Variants in KCNH8 observed in about 807,000 individuals in gnomAD.
The protein encoded by KCNH8 is potassium voltage-gated channel subfamily H member 8, also known as voltage-gated delayed rectifier potassium channel KCNH8.
A neutral mutation model predicts 103.6 loss-of-function variants in KCNH8; 70 were observed. The ratio of observed to expected loss-of-function variants is 0.68; its 90% CI spans 0.56 to 0.82. The LOEUF (loss-of-function observed/expected upper bound fraction) is 0.82, where lower values mean the gene tolerates loss of function less well. Among genes scored for constraint, KCNH8 ranks in the 40% least tolerant of loss-of-function variants. The probability of loss-of-function intolerance (pLI) is 0.00; values close to 1 mark genes in which losing one functional copy is unlikely to be tolerated. For synonymous variants in KCNH8, 498 were observed against 489.4 expected (o/e 1.02, Z -0.23); for missense variants, 1,217 against 1,329.9 (o/e 0.92, Z 1.32).
intron 11 of KCNH8, among the ~76,000 whole-genome samples, chr3:19,505,162 G>A (rs930429051): frequency 6.6e-6 from 1 of 151,794 alleles, no homozygotes; most frequent in South Asian, 2.1e-4. Context: ...AATGAACATG[G>A]ATGGAGCTGG....
chr3:19,283,356 A>G (rs936309221), intron 3 of KCNH8, among the ~76,000 whole-genome samples: 1 of 152,200 alleles, frequency 6.6e-6, no homozygotes, highest in Non-Finnish European at 1.5e-5. Flanking sequence ...TGCTTAGGGA[A>G]CATGTACAAT....
intron 15 of KCNH8, among the ~76,000 whole-genome samples, chr3:19,531,325 G>A (rs2069157224): frequency 6.6e-6 from 1 of 152,200 alleles, no homozygotes; most frequent in South Asian, 2.1e-4. Flanking sequence ...CAAAGATCCT[G>A]GGGTAATGAT....
intron 1 of KCNH8, among the ~76,000 whole-genome samples, chr3:19,153,635 C>CTTTTTTCTT (rs2063151810): frequency 5.4e-5 from 7 of 128,916 alleles, no homozygotes; most frequent in African/African-American, 2.0e-4. Flanking sequence ...TTTCTTTTTT[C>CTTTTTTCTT]TTTTTTTTTT....
chr3:19,512,854 T>C (rs1038811534), intron 12 of KCNH8, 116 bp from the exon 13 acceptor site: 1 of 921,134 alleles, frequency 1.1e-6, no homozygotes, highest in Non-Finnish European at 1.7e-6. Context: ...TCAGTTTTAA[T>C]GAAAAGTAAG....
At chr3:19,314,491 GC>G (rs1208582034) in intron 3 of KCNH8, among the ~76,000 whole-genome samples, 1 of 151,916 alleles carries the variant, frequency 6.6e-6, no homozygotes, top group Non-Finnish European at 1.5e-5. Context: ...GATCACTTGA[GC>G]CCAGAACGTT....
chr3:19,414,784 G>A (rs192674358), intron 7 of KCNH8, among the ~76,000 whole-genome samples: 5 of 152,014 alleles, frequency 3.3e-5, no homozygotes, highest in Admixed American at 3.3e-4. Context: ...CCATGAGGCA[G>A]ATAATTTCAA....
At chr3:19,249,849 CA>C (rs1475583563) in intron 1 of KCNH8, among the ~76,000 whole-genome samples, 1 of 152,082 alleles carries the variant, frequency 6.6e-6, no homozygotes, top group Non-Finnish European at 1.5e-5. Context: ...ATGGTATACC[CA>C]GGGGTTTTCA....
intron 1 of KCNH8, among the ~76,000 whole-genome samples, chr3:19,165,345 A>G (rs2063272795): frequency 6.6e-6 from 1 of 152,210 alleles, no homozygotes; most frequent in Non-Finnish European, 1.5e-5. Context: ...CTGGAGTATT[A>G]TTGTTTGTGC....
At chr3:19,501,298 G>C (rs528585338) in intron 11 of KCNH8, among the ~76,000 whole-genome samples, 202 of 152,134 alleles carry the variant, frequency 1.3e-3, no homozygotes, top group African/African-American at 3.4e-3. Flanking sequence ...GCTTACCAAC[G>C]AAAAAGAGTC....
intron 3 of KCNH8, among the ~76,000 whole-genome samples, chr3:19,322,680 T>A (rs1372109491): frequency 1.3e-5 from 2 of 152,204 alleles, no homozygotes; most frequent in African/African-American, 4.8e-5. Flanking sequence ...CAGGCAATGA[T>A]CTTTTTACAA....
intron 5 of KCNH8, among the ~76,000 whole-genome samples, chr3:19,362,164 GAC>G (rs2065955416): frequency 6.6e-6 from 1 of 152,058 alleles, no homozygotes; most frequent in Admixed American, 6.6e-5. Context: ...ACTAATGTAA[GAC>G]AGACTAACAG....
intron 3 of KCNH8, among the ~76,000 whole-genome samples, chr3:19,287,748 G>A (rs1477344558): frequency 6.6e-6 from 1 of 152,142 alleles, no homozygotes; most frequent in African/African-American, 2.4e-5. Flanking sequence ...ACCACACCCA[G>A]CTAATTTTTG....
chr3:19,335,262 A>G (rs1288049268), intron 3 of KCNH8, among the ~76,000 whole-genome samples: 1 of 151,698 alleles, frequency 6.6e-6, no homozygotes, highest in Non-Finnish European at 1.5e-5. Context: ...TTTTATTTTT[A>G]TTTACAGATC....
At chr3:19,474,065 G>A (rs1477857066) in intron 11 of KCNH8, among the ~76,000 whole-genome samples, 3 of 152,122 alleles carry the variant, frequency 2.0e-5, no homozygotes, top group Admixed American at 2.0e-4. Context: ...GGCATGTGGG[G>A]CATTTCTTCT....
In KCNH8 at chr3:19,534,255, T is replaced by C. The variant is rs543057584; in HGVS notation, c.*156T>C. On this transcript the variant is annotated 3_prime_UTR_variant, in exon 16 of 16. Transcript: ENST00000328405. ...CCAGGGAAAGGCAGAACCACCTCCA[T>C]GCTGTAGCAAACAATTTCTAGATAC... 6.7e-4 allele frequency: 409 copies of C among 612,652 alleles called. No individual in the cohort carries two copies. In the African/African-American group the frequency reaches 7.0e-3, roughly 10 times the overall value. 38.0% of individuals were successfully genotyped at this position (612,652 alleles called of 1,614,324 possible).
At chr3:19,470,279 C>A (rs2125202162) in intron 11 of KCNH8, among the ~76,000 whole-genome samples, 1 of 152,238 alleles carries the variant, frequency 6.6e-6, no homozygotes, top group East Asian at 1.9e-4. Flanking sequence ...GCACACATAC[C>A]ACAAGTACCC....
chr3:19,255,125 A>C (rs1031276417), intron 2 of KCNH8, among the ~76,000 whole-genome samples: 1 of 152,146 alleles, frequency 6.6e-6, no homozygotes, highest in Non-Finnish European at 1.5e-5. Flanking sequence ...GGGTGTGCAC[A>C]CACAAAAGAA....
At chr3:19,421,905 T>C (rs2066956965) in intron 7 of KCNH8, among the ~76,000 whole-genome samples, 3 of 152,100 alleles carry the variant, frequency 2.0e-5, no homozygotes, top group Admixed American at 6.5e-5. Flanking sequence ...TTTGGAGGAC[T>C]AATCAATTTT....
intron 7 of KCNH8, among the ~76,000 whole-genome samples, chr3:19,413,300 A>G (rs1454070829): frequency 6.6e-6 from 1 of 152,002 alleles, no homozygotes; most frequent in Non-Finnish European, 1.5e-5. Context: ...CAAATACTAC[A>G]TGTTCTCATA....
Sources: gnomAD v4.1 joint callset for allele counts (sites outside exome capture counted in the v4.1 genomes callset) on GRCh38, gnomAD v4.1.1 for gene constraint, MANE v1.5 for transcripts, NCBI Gene and HGNC (gene_info 2026-07-23, HGNC 2026-07-21) for gene names.